DCAF8: variants seen among roughly 807,000 people sequenced by gnomAD.
DCAF8 encodes DDB1 and CUL4 associated factor 8.
A neutral mutation model predicts 68.0 loss-of-function variants in DCAF8; 20 were observed. The ratio of observed to expected loss-of-function variants is 0.29; its 90% CI spans 0.21 to 0.43. The LOEUF (loss-of-function observed/expected upper bound fraction) is 0.43, where lower values mean the gene tolerates loss of function less well. Among genes scored for constraint, DCAF8 ranks in the 20% least tolerant of loss-of-function variants. The pLI is 1.00. For missense variants in DCAF8, 460 were observed against 771.0 expected, an observed-to-expected ratio of 0.60 and a Z score of 4.78; for synonymous variants, 230 against 276.9, an observed-to-expected ratio of 0.83 and a Z score of 1.68.
Position 160,239,759 on chromosome 1 carries a change from C to T in DCAF8, c.661G>A (p.Asp221Asn). ...AGTACTGGCTGCCGCCGTACCCAATCCCACACCACCACCTTCAGGTCATCG... is the reference window on the plus strand; with the variant it reads ...AGTACTGGCTGCCGCCGTACCCAATTCCACACCACCACCTTCAGGTCATCG... ...GSDDLKVVVW[D>N]WVRRQPVLDF... The change falls in exon 4 of 14, where the codon GAT becomes AAT. Residue 221 changes from aspartate to asparagine, a missense_variant. Physicochemically the swap from Asp to Asn is conservative, Grantham distance 23 (BLOSUM62 1). Coordinates refer to ENST00000368074, the MANE Select transcript of DCAF8 (RefSeq NM_015726.4). 6.2e-7 allele frequency: 1 copy of T among 1,614,252 alleles called. No individual in the cohort carries two copies. The highest frequency in any genetic ancestry group is 8.5e-7 in the Non-Finnish European group (1 of 1,180,044).
In DCAF8 at chr1:160,250,240, G is replaced by T. The variant is rs556677811; in HGVS notation, c.-26-6206C>A. ...ACACTTTGGGAGGCCAAGGCGGGCA[G>T]ATCACCTGAGGTCAGGAGTTCGAGA... On this transcript the variant is annotated intron_variant, in intron 2 of 13. Transcript: ENST00000368074. Among the ~76,000 whole-genome samples the T allele has an allele frequency of 1.0e-3, 157 of 152,320 alleles. 1 individual carries two copies. The highest frequency in any genetic ancestry group is 3.6e-3 in the African/African-American group (148 of 41,580).
chr1:160,247,763 C>T lies in DCAF8; in HGVS notation c.-26-3729G>A, dbSNP rs375218090. 2.1e-4 allele frequency among the ~76,000 whole-genome samples: 32 copies of T among 152,192 alleles called. No individual in the cohort carries two copies. In the East Asian group the frequency reaches 6.2e-3, roughly 29 times the overall value. ...AGATTTTTTAATTTGGGATGCTCAA[C>T]TTGTACCAGAATAACTGAACATTCA... On this transcript the variant is annotated intron_variant, in intron 2 of 13. Coordinates refer to ENST00000368074, the MANE Select transcript of DCAF8 (RefSeq NM_015726.4).
In DCAF8 at chr1:160,234,242, CA is replaced by C. The variant is rs10660397; in HGVS notation, c.960-2836del. ...TGAGCAAAAGAGTGAGACTGCACCT[CA>C]AAAAAAAAAAAAAATGCCTCTGACA... On this transcript the variant is annotated intron_variant, in intron 6 of 13. Transcript: ENST00000368074. Among the ~76,000 whole-genome samples the C allele has an allele frequency of 3.6e-3, 497 of 138,678 alleles. 5 individuals carry two copies. Among genetic ancestry groups the C allele is most frequent in the East Asian group, 0.03 (140 of 4,674 alleles). 91.0% of individuals were successfully genotyped at this position (138,678 alleles called of 152,430 possible).
chr1:160,228,092 A>T (rs1557831267), intron 7 of DCAF8, among the ~76,000 whole-genome samples: 2 of 145,268 alleles, frequency 1.4e-5, no homozygotes, highest in Admixed American at 1.4e-4. Flanking sequence ...TTTTTTCTTA[A>T]TTTTTTTTTT....
rs954409145 is a variant in DCAF8 at position 160,237,144 on chromosome 1, C to T, written c.950G>A (p.Arg317His). The change falls in exon 6 of 14, where the codon CGC becomes CAC. Residue 317 changes from arginine (R) to histidine (H), a missense_variant. Transcript: ENST00000368074. The stretch of plus-strand genomic sequence containing the variant: ...TTACTGCTACACTTACGACGCTGGG[C>T]GGTCTTGTCTCAGGTCAATGGTGAA... ...VVFTIDLRQD[R>H]PASKLVVTKE... 1.1e-5 allele frequency: 17 copies of T among 1,565,162 alleles called. No individual in the cohort carries two copies. Among genetic ancestry groups the T allele is most frequent in the African/African-American group, 2.7e-5 (2 of 74,228 alleles).
Position 160,262,479 on chromosome 1 carries a change from C to T in DCAF8, c.-131G>A, listed in dbSNP as rs376238711. Reference sequence around the variant, plus strand: ...CCAGCGGCCGCCACCACCACCGCCTCCGCTCTCTGCGCTTGCGCCTGCGCT... The same window carrying T: ...CCAGCGGCCGCCACCACCACCGCCTTCGCTCTCTGCGCTTGCGCCTGCGCT... On this transcript the variant is annotated 5_prime_UTR_variant, in exon 1 of 14. Transcript: ENST00000368074. 62 of 401,134 alleles carry T rather than the reference C, an allele frequency of 1.5e-4. No individual in the cohort carries two copies. Among genetic ancestry groups the T allele is most frequent in the African/African-American group, 1.3e-3 (61 of 48,798 alleles). The allele number at this position is 401,134 out of a possible 1,614,324, so 24.8% of individuals were successfully genotyped here.
At chr1:160,258,021 G>A (rs376498212) in intron 2 of DCAF8, among the ~76,000 whole-genome samples, 2 of 152,050 alleles carry the variant, frequency 1.3e-5, no homozygotes, top group South Asian at 2.1e-4. Context: ...TGAGCCAGCC[G>A]CACTCAGCCT....
intron 3 of DCAF8, among the ~76,000 whole-genome samples, chr1:160,242,882 T>C (rs1656175378): frequency 6.6e-6 from 1 of 152,348 alleles, no homozygotes; most frequent in Non-Finnish European, 1.5e-5. Flanking sequence ...AAATCAATAG[T>C]ATACTTTAAC....
At chr1:160,222,196 T>A (rs1252154763) in intron 11 of DCAF8, among the ~76,000 whole-genome samples, 4 of 152,250 alleles carry the variant, frequency 2.6e-5, no homozygotes, top group African/African-American at 9.6e-5. Flanking sequence ...AACCATATTC[T>A]AATTTTCCCA....
At position 160,240,111 on chromosome 1, in the gene DCAF8, T is replaced by G. The variant is rs779999241; in HGVS notation, c.309A>C (p.Glu103Asp). Residue 103 changes from glutamate to aspartate, a missense_variant, in exon 4 of 14, where the codon GAA becomes GAC. Glu to Asp is a conservative substitution (Grantham distance 45). This residue lies in a region of DCAF8 where 156 missense variants were observed against 181.4 expected (regional missense o/e 0.86). Coordinates refer to ENST00000368074, the MANE Select transcript of DCAF8 (RefSeq NM_015726.4). ...CTTCTTCCTCCTCTTCTTCCTCCTCTTCCTCTTCCTCTGAGCGGTCATGGA... is the reference window on the plus strand; with the variant it reads ...CTTCTTCCTCCTCTTCTTCCTCCTCGTCCTCTTCCTCTGAGCGGTCATGGA... ...NRVHDRSEEE[E>D]EEEEEEEEEQ... The G allele has an allele frequency of 6.2e-7, 1 of 1,611,386 alleles. No individual in the cohort carries two copies. The highest frequency in any genetic ancestry group is 8.5e-7 in the Non-Finnish European group (1 of 1,179,008).
intron 2 of DCAF8, among the ~76,000 whole-genome samples, chr1:160,247,043 T>G (rs1656367954): frequency 6.6e-6 from 1 of 152,248 alleles, no homozygotes; most frequent in Non-Finnish European, 1.5e-5. Context: ...GAGAACATAT[T>G]TGATTCAAAT....
At chr1:160,248,268 C>T (rs1233522720) in intron 2 of DCAF8, among the ~76,000 whole-genome samples, 1 of 151,780 alleles carries the variant, frequency 6.6e-6, no homozygotes, top group Non-Finnish European at 1.5e-5. Flanking sequence ...GATAGTACCA[C>T]TGCACTCCAG....
At chr1:160,221,773 C>T (rs947718220) in intron 11 of DCAF8, among the ~76,000 whole-genome samples, 1 of 148,652 alleles carries the variant, frequency 6.7e-6, no homozygotes, top group Non-Finnish European at 1.5e-5. Flanking sequence ...GGTCCAAAAA[C>T]CTTGTAACAG....
At position 160,245,908 on chromosome 1, in the gene DCAF8, G is replaced by C. The variant is rs140255971; in HGVS notation, c.-26-1874C>G. Among the ~76,000 whole-genome samples the C allele has an allele frequency of 3.4e-3, 517 of 152,286 alleles. 4 individuals are homozygous for C. The highest frequency in any genetic ancestry group is 0.012 in the African/African-American group (486 of 41,548). Reference sequence around the variant, plus strand: ...AATCCCAGCACTTTGGGAGGCCGAGGAGGGCAGATCACCTGAGGTCAGGAG... The same window carrying C: ...AATCCCAGCACTTTGGGAGGCCGAGCAGGGCAGATCACCTGAGGTCAGGAG... On this transcript the variant is annotated intron_variant, in intron 2 of 13. Coordinates refer to ENST00000368074, the MANE Select transcript of DCAF8 (RefSeq NM_015726.4).
chr1:160,217,767 A>T, intron 13 of DCAF8, 59 bp from the exon 14 acceptor site: 1 of 1,391,064 alleles, frequency 7.2e-7, no homozygotes, highest in Non-Finnish European at 1.0e-6. Context: ...CAAGCCTGTT[A>T]GGTCTTAGCC....
At chr1:160,226,232 T>C (rs16831635) in intron 7 of DCAF8, among the ~76,000 whole-genome samples, 3,475 of 152,280 alleles carry the variant, frequency 0.023, 130 homozygotes, top group African/African-American at 0.079. Context: ...CGAAAAAGGT[T>C]ACTCACGGGC....
intron 2 of DCAF8, among the ~76,000 whole-genome samples, chr1:160,252,204 G>A (rs919788016): frequency 1.3e-4 from 20 of 152,122 alleles, no homozygotes; most frequent in Non-Finnish European, 2.8e-4. Flanking sequence ...TATAAACAAG[G>A]CAGTCACAAT....
At chr1:160,250,070 T>C (rs1042573594) in intron 2 of DCAF8, among the ~76,000 whole-genome samples, 1 of 152,176 alleles carries the variant, frequency 6.6e-6, no homozygotes, top group African/African-American at 2.4e-5. Context: ...CACAGTGGTG[T>C]TACATAACTA....
chr1:160,248,545 C>T (rs1464349269), intron 2 of DCAF8, among the ~76,000 whole-genome samples: 10 of 151,492 alleles, frequency 6.6e-5, no homozygotes, highest in Non-Finnish European at 1.0e-4. Context: ...ACCATCTTGG[C>T]CAACATAGTG....
Sources: gnomAD v4.1 joint callset for allele counts (sites outside exome capture counted in the v4.1 genomes callset) on GRCh38, gnomAD v4.1.1 for gene constraint, gnomAD v4.1.1 regional missense constraint, MANE v1.5 for transcripts, NCBI Gene and HGNC (gene_info 2026-07-23, HGNC 2026-07-21) for gene names.